Variants in CST7 observed in about 807,000 individuals in gnomAD.
CST7 encodes cystatin-F.
CST7 carries 15 observed loss-of-function variants against 13.1 expected under a neutral mutation model. The observed-to-expected ratio is 1.14, with a 90% confidence interval of 0.77 to 1.76. The LOEUF is 1.76. CST7 is among the 40% of genes most tolerant of loss of function. The pLI, the probability that CST7 is intolerant of heterozygous loss-of-function variation, is 0.00. For synonymous variants in CST7, 75 were observed against 66.9 expected, an observed-to-expected ratio of 1.12 and a Z score of -0.59; for missense variants, 193 against 178.8, an observed-to-expected ratio of 1.08 and a Z score of -0.45.
In CST7 at chr20:24,959,186, C is replaced by G. The variant is rs558249937; in HGVS notation, c.360+142C>G. The G allele has an allele frequency of 5.4e-4, 372 of 685,654 alleles. 5 individuals are homozygous for G. The South Asian group carries it at 5.5e-3, about 10-fold the overall frequency. The allele number at this position is 685,654 out of a possible 1,614,324, so 42.5% of individuals were successfully genotyped here. Reference sequence around the variant, plus strand: ...GAGGAAGCCAGGCCTCCCAGACTCCCGCACGACTGAGGATCCGGGAGAACA... The same window carrying G: ...GAGGAAGCCAGGCCTCCCAGACTCCGGCACGACTGAGGATCCGGGAGAACA... On this transcript the variant is annotated intron_variant, in intron 3 of 3. Coordinates refer to ENST00000480798, the MANE Select transcript of CST7 (RefSeq NM_003650.4).
intron 2 of CST7, among the ~76,000 whole-genome samples, chr20:24,957,999 T>C (rs1175115257): frequency 6.6e-6 from 1 of 152,210 alleles, no homozygotes; most frequent in Admixed American, 6.5e-5. Flanking sequence ...AGGACCCTTG[T>C]CTGTGTCCTG....
chr20:24,953,238 C>T (rs146298961), intron 1 of CST7, among the ~76,000 whole-genome samples: 17 of 152,248 alleles, frequency 1.1e-4, no homozygotes, highest in African/African-American at 4.1e-4. Flanking sequence ...GCAGGGTGAT[C>T]GCAGGATCAC....
At chr20:24,957,571 C>T (rs2087867332) in intron 2 of CST7, 112 bp downstream of exon 2, 4 of 1,084,100 alleles carry the variant, frequency 3.7e-6, no homozygotes. Flanking sequence ...CTGCTGAGTG[C>T]AGAGCTCTGA....
chr20:24,959,864 C>CCTCTGACGAGTGAGCGGG lies in CST7; in HGVS notation c.*152_*153insCTCTGACGAGTGAGCGGG. On this transcript the variant is annotated 3_prime_UTR_variant, in exon 4 of 4. Coordinates refer to ENST00000480798, the MANE Select transcript of CST7 (RefSeq NM_003650.4). ...GTGCCACTGGGTCACCGCAGGGCAG[C>CCTCTGACGAGTGAGCGGG]TGGAATGGCAGCATGGTAGCACCTC... 1 of 697,016 alleles carries CCTCTGACGAGTGAGCGGG rather than the reference C, an allele frequency of 1.4e-6. No homozygotes were observed. The highest frequency in any genetic ancestry group is 2.6e-6 in the Non-Finnish European group (1 of 388,406). The allele number at this position is 697,016 out of a possible 1,614,324, so 43.2% of individuals were successfully genotyped here. A position where few individuals can be genotyped will look rare whatever the true frequency, so the allele number is the denominator to read the frequency against.
chr20:24,958,839 G>A, intron 2 of CST7, 89 bp from the exon 3 acceptor site: 1 of 944,590 alleles, frequency 1.1e-6, no homozygotes, highest in East Asian at 2.4e-5. Context: ...GTGGGCACCT[G>A]CACCACTGTC....
intron 1 of CST7, among the ~76,000 whole-genome samples, chr20:24,956,993 ACAGGTGAGGGGGCAGGTGAGGGGGG>A (rs1600962566): frequency 8.5e-5 from 1 of 11,760 alleles, no homozygotes; most frequent in East Asian, 1.7e-3. Context: ...GTCGGGGGGG[ACAGGTGAGGGGGCAGGTGAGGGGGG>A]CAGGTGAGGG....
Position 24,951,913 on chromosome 20 carries a change from C to T in CST7, c.70+2338C>T, listed in dbSNP as rs112221462. Among the ~76,000 whole-genome samples, 926 of 152,342 alleles carry T rather than the reference C, an allele frequency of 6.1e-3. 16 individuals are homozygous for T. Among genetic ancestry groups the T allele is most frequent in the African/African-American group, 0.022 (900 of 41,582 alleles). ...TCTGCCCCCTCCACTCTAGCTGCAA[C>T]GGCCCATCTGCCTGGACAGGGGCCC... On this transcript the variant is annotated intron_variant, in intron 1 of 3. Transcript: ENST00000480798.
intron 1 of CST7, among the ~76,000 whole-genome samples, chr20:24,954,722 T>C (rs552077399): frequency 3.0e-4 from 46 of 152,346 alleles, no homozygotes; most frequent in Non-Finnish European, 5.1e-4. Flanking sequence ...TTTTGTAACT[T>C]TACCACAATC....
At chr20:24,957,642 A>AG (rs1210279781) in intron 2 of CST7, among the ~76,000 whole-genome samples, 183 bp downstream of exon 2, 2 of 152,090 alleles carry the variant, frequency 1.3e-5, no homozygotes, top group Admixed American at 6.5e-5. Context: ...AGCATCCCCC[A>AG]GGGCCAAGCG....
In CST7 at chr20:24,949,530, GC is replaced by G. The variant is rs756405817; in HGVS notation, c.27del (p.Phe10SerfsTer6). 6.2e-7 allele frequency: 1 copy of G among 1,614,132 alleles called. No homozygotes were observed. The highest frequency in any genetic ancestry group is 1.1e-5 in the South Asian group (1 of 91,088). On this transcript the variant is annotated frameshift_variant, in exon 1 of 4. Coordinates refer to ENST00000480798, the MANE Select transcript of CST7 (RefSeq NM_003650.4). LOFTEE classifies it high-confidence loss of function. MRAAGTLLAFCCLVLSTTG... is the reference protein window; with the variant it reads MRAAGTLLXFCCLVLSTTG... Reference sequence around the variant, plus strand: ...CATGCGAGCGGCTGGAACTCTGCTGGCCTTCTGCTGCCTGGTCTTGAGCACC... The same window carrying G: ...CATGCGAGCGGCTGGAACTCTGCTGGCTTCTGCTGCCTGGTCTTGAGCACC...
At chr20:24,959,120 C>G in intron 3 of CST7, 76 bp downstream of exon 3, 4 of 1,163,112 alleles carry the variant, frequency 3.4e-6, no homozygotes, top group Non-Finnish European at 5.1e-6. Context: ...TGAAAAACAC[C>G]GTCACCACGT....
At chr20:24,957,483 A>AT in intron 2 of CST7, 24 bp downstream of exon 2, 1 of 1,609,802 alleles carries the variant, frequency 6.2e-7, no homozygotes, top group Non-Finnish European at 8.5e-7. Flanking sequence ...TTCTGGTCAC[A>AT]TATCACGGAC....
rs201788697 is a variant in CST7, at chr20:24,953,884, C to CA, written c.71-3402dup. Among the ~76,000 whole-genome samples the CA allele has an allele frequency of 9.2e-3, 1,396 of 152,302 alleles. 28 individuals are homozygous for CA. Among genetic ancestry groups the CA allele is most frequent in the African/African-American group, 0.032 (1,332 of 41,554 alleles). ...GTCCGTGGGTTCTTTCCGTTGACGT[C>CA]ATCGCGGCCATCACCACCATCACCC... is the stretch of plus-strand genomic sequence containing the variant. On this transcript the variant is annotated intron_variant, in intron 1 of 3. Transcript: ENST00000480798.
At chr20:24,950,414 C>T (rs560632309) in intron 1 of CST7, among the ~76,000 whole-genome samples, 17 of 152,344 alleles carry the variant, frequency 1.1e-4, no homozygotes, top group African/African-American at 4.1e-4. Context: ...CTCCAGAGCA[C>T]CCAAGGGGTT....
At position 24,959,754 on chromosome 20, in the gene CST7, G is replaced by A. The variant is rs982018722; in HGVS notation, c.*42G>A. 17 of 1,586,576 alleles carry A rather than the reference G, an allele frequency of 1.1e-5. No homozygotes were observed. Among genetic ancestry groups the A allele is most frequent in the Middle Eastern group, 1.7e-4 (1 of 6,022 alleles). On this transcript the variant is annotated 3_prime_UTR_variant, in exon 4 of 4. Coordinates refer to ENST00000480798, the MANE Select transcript of CST7 (RefSeq NM_003650.4). ...AAGACCACAGCCATGACAAACACCA[G>A]GATGCATGCTCCTTGTCCCCTCCCA...
intron 1 of CST7, among the ~76,000 whole-genome samples, chr20:24,956,310 C>CAA (rs2087853780): frequency 6.6e-6 from 1 of 152,176 alleles, no homozygotes; most frequent in South Asian, 2.1e-4. Context: ...TTGACACTGA[C>CAA]GTCCTGGCAA....
In CST7 at chr20:24,959,798, C is replaced by A; in HGVS notation, c.*86C>A. ...CCTCCCACCCGCCTCATGACCCAGC[C>A]TCACAGACCCTCTCAGGCCTCTGAC... is the stretch of plus-strand genomic sequence containing the variant. On this transcript the variant is annotated 3_prime_UTR_variant, in exon 4 of 4. Coordinates refer to ENST00000480798, the MANE Select transcript of CST7 (RefSeq NM_003650.4). 7.5e-7 allele frequency: 1 copy of A among 1,327,210 alleles called. No individual in the cohort carries two copies. Among genetic ancestry groups the A allele is most frequent in the Non-Finnish European group, 1.1e-6 (1 of 921,534 alleles). The allele number at this position is 1,327,210 out of a possible 1,614,324, so 82.2% of individuals were successfully genotyped here.
intron 1 of CST7, among the ~76,000 whole-genome samples, chr20:24,956,809 C>T (rs1473634137): frequency 6.6e-6 from 1 of 151,826 alleles, no homozygotes; most frequent in Non-Finnish European, 1.5e-5. Context: ...GTTGACTTTC[C>T]CTACATCCTA....
At position 24,958,080 on chromosome 20, in the gene CST7, G is replaced by A. The variant is rs11906400; in HGVS notation, c.243+621G>A. The stretch of plus-strand genomic sequence containing the variant: ...CACCACCGTGTGCTGGTGCCTGTAA[G>A]GGGCAGAAGCAGCCCTGTCCAAGGC... On this transcript the variant is annotated intron_variant, in intron 2 of 3. Coordinates refer to ENST00000480798, the MANE Select transcript of CST7 (RefSeq NM_003650.4). Among the ~76,000 whole-genome samples, 930 of 152,340 alleles carry A rather than the reference G, an allele frequency of 6.1e-3. 15 individuals are homozygous for A. Among genetic ancestry groups the A allele is most frequent in the African/African-American group, 0.022 (905 of 41,578 alleles).
Sources: gnomAD v4.1 joint callset for allele counts (sites outside exome capture counted in the v4.1 genomes callset) on GRCh38, gnomAD v4.1.1 for gene constraint, MANE v1.5 for transcripts, NCBI Gene and HGNC (gene_info 2026-07-23, HGNC 2026-07-21) for gene names.